The following BCOR variants were observed in gnomAD, a reference collection of about 807,000 sequenced individuals.
The protein encoded by BCOR is BCL-6 corepressor.
Under a neutral mutation model 86.7 loss-of-function variants are expected in BCOR, and 10 were observed. The observed-to-expected ratio is 0.12, with a 90% CI of 0.07 to 0.20. The LOEUF is 0.20. Among genes scored for constraint, BCOR ranks in the 10% least tolerant of loss-of-function variants. BCOR has a pLI of 1.00. For synonymous variants in BCOR, 611 were observed against 609.0 expected, an observed-to-expected ratio of 1.00 and a Z score of -0.05; for missense variants, 1,259 against 1,452.1, an observed-to-expected ratio of 0.87 and a Z score of 2.16.
At chrX:40,129,820 A>G (rs1020152127) in intron 1 of BCOR, among the ~76,000 whole-genome samples, 2 of 111,084 alleles carry the variant, frequency 1.8e-5, no homozygotes, top group African/African-American at 3.3e-5. Context: ...GCAAGCGGAT[A>G]GCTTGAGGTC....
chrX:40,174,740 A>G (rs1016156682), intron 1 of BCOR, among the ~76,000 whole-genome samples: 3 of 112,637 alleles, frequency 2.7e-5, no homozygotes, highest in Non-Finnish European at 5.6e-5. Flanking sequence ...TCTTCTTAGG[A>G]CACAGACTGG....
At chrX:40,103,790 T>C (rs1487108271) in intron 1 of BCOR, among the ~76,000 whole-genome samples, 2 of 111,477 alleles carry the variant, frequency 1.8e-5, no homozygotes, top group Admixed American at 9.5e-5. Flanking sequence ...AAGCCAATTT[T>C]TTTTTCCGCC....
chrX:40,083,064 G>C (rs1306359326), intron 1 of BCOR, among the ~76,000 whole-genome samples: 2 of 108,277 alleles, frequency 1.8e-5, no homozygotes, highest in Admixed American at 9.7e-5. Flanking sequence ...TGTGCTCCGG[G>C]TGTCAAGGAA....
At chrX:40,070,105 G>A (rs1483317794) in intron 6 of BCOR, among the ~76,000 whole-genome samples, 3 of 111,105 alleles carry the variant, frequency 2.7e-5, no homozygotes, top group Non-Finnish European at 5.7e-5. Context: ...ACCTCCGACG[G>A]CCCATGGTGG....
At chrX:40,161,124 C>A (rs902384713) in intron 1 of BCOR, among the ~76,000 whole-genome samples, 1 of 109,321 alleles carries the variant, frequency 9.1e-6, no homozygotes, top group African/African-American at 3.3e-5. Context: ...TCTCCCACCT[C>A]AGCCTCCAGA....
chrX:40,054,142 C>T, intron 13 of BCOR, 100 bp from the exon 14 acceptor site: 1 of 1,096,907 alleles, frequency 9.1e-7, no homozygotes, highest in Admixed American at 2.4e-5. Context: ...AGATTCTTTC[C>T]CAAGTGAGTC....
intron 1 of BCOR, among the ~76,000 whole-genome samples, chrX:40,166,220 A>G (rs1015885808): frequency 4.5e-5 from 5 of 111,915 alleles, no homozygotes; most frequent in African/African-American, 1.6e-4. Context: ...GCAAAGGTGA[A>G]TAAGACAGTC....
chrX:40,176,455 G>C (rs1467891761), intron 1 of BCOR, among the ~76,000 whole-genome samples: 2 of 112,319 alleles, frequency 1.8e-5, no homozygotes, highest in Non-Finnish European at 3.8e-5. Context: ...CGGTCGTTCC[G>C]GGATTTGCGT....
intron 1 of BCOR, among the ~76,000 whole-genome samples, chrX:40,173,022 A>G (rs781658847): frequency 8.9e-6 from 1 of 112,622 alleles, no homozygotes; most frequent in East Asian, 2.8e-4. Flanking sequence ...ATGCCTCTGT[A>G]CGACTCTCCA....
At chrX:40,091,453 A>T (rs747196183) in intron 1 of BCOR, among the ~76,000 whole-genome samples, 7 of 112,479 alleles carry the variant, frequency 6.2e-5, no homozygotes, top group Non-Finnish European at 1.3e-4. Flanking sequence ...TGTGGGAGAC[A>T]CAGCTCTAAA....
intron 14 of BCOR, 136 bp from the exon 15 acceptor site, chrX:40,052,536 T>C (rs1431214808): frequency 2.3e-6 from 1 of 433,450 alleles, no homozygotes; most frequent in Non-Finnish European, 3.9e-6. Context: ...TTTCTCACCA[T>C]ACCTACTCTC....
intron 1 of BCOR, among the ~76,000 whole-genome samples, chrX:40,114,328 A>C (rs1937360418): frequency 9.0e-6 from 1 of 110,743 alleles, no homozygotes; most frequent in African/African-American, 3.3e-5. Flanking sequence ...GGCCCGTGGG[A>C]GTATGGGACA....
intron 1 of BCOR, among the ~76,000 whole-genome samples, chrX:40,160,815 C>T (rs1036166455): frequency 1.9e-5 from 2 of 105,427 alleles, no homozygotes; most frequent in African/African-American, 6.9e-5. Flanking sequence ...AGGCACACTC[C>T]GCCACGCCCG....
intron 1 of BCOR, among the ~76,000 whole-genome samples, chrX:40,155,922 TCCTGGAGG>T (rs776327671): frequency 1.4e-4 from 16 of 112,616 alleles, no homozygotes; most frequent in African/African-American, 3.9e-4. Context: ...TCGCTGCCCC[TCCTGGAGG>T]CCTGCACCCA....
chrX:40,077,019 G>A (rs970396576), intron 2 of BCOR: 1 of 272,208 alleles, frequency 3.7e-6, no homozygotes, highest in Non-Finnish European at 6.9e-6. Flanking sequence ...CCAAAACAAA[G>A]TTAGGGACCA....
chrX:40,067,361 G>A (rs1448360449), intron 6 of BCOR, among the ~76,000 whole-genome samples: 2 of 111,766 alleles, frequency 1.8e-5, no homozygotes, highest in Non-Finnish European at 3.8e-5. Flanking sequence ...CAGTGGGGGT[G>A]GGGAGGGCTC....
chrX:40,065,936 C>A (rs1361109711), intron 6 of BCOR, among the ~76,000 whole-genome samples: 1 of 111,386 alleles, frequency 9.0e-6, no homozygotes. Context: ...CAGCGGTTCA[C>A]GGCAGTCAGC....
At chrX:40,143,567 G>A (rs1055813005) in intron 1 of BCOR, among the ~76,000 whole-genome samples, 1 of 112,771 alleles carries the variant, frequency 8.9e-6, no homozygotes, top group African/African-American at 3.2e-5. Context: ...TTAATAAAAC[G>A]AAAGATGGTA....
chrX:40,096,112 C>T (rs1602209351), intron 1 of BCOR, among the ~76,000 whole-genome samples: 1 of 113,298 alleles, frequency 8.8e-6, no homozygotes, highest in African/African-American at 3.2e-5. Flanking sequence ...GCGCCTCGCC[C>T]TCCCCGCCTT....
Sources: allele counts gnomAD v4.1 joint callset (sites outside exome capture counted in the v4.1 genomes callset), GRCh38; gene constraint gnomAD v4.1.1; transcripts MANE v1.5; gene names NCBI Gene and HGNC (gene_info 2026-07-23, HGNC 2026-07-21).